Variants in CFAP77 observed in about 807,000 individuals in gnomAD.
The protein encoded by CFAP77 is cilia- and flagella-associated protein 77.
Under a neutral mutation model 31.1 loss-of-function variants are expected in CFAP77, and 25 were observed. That is an observed-to-expected ratio of 0.80 (90% CI 0.59 to 1.12). CFAP77 has a LOEUF of 1.12. CFAP77 is among the 50% of genes most tolerant of loss of function. CFAP77 has a pLI of 0.00. For missense variants in CFAP77, 377 were observed against 397.3 expected, an observed-to-expected ratio of 0.95 and a Z score of 0.44; for synonymous variants, 151 against 159.9, an observed-to-expected ratio of 0.94 and a Z score of 0.42.
chr9:132,464,128 T>C, intron 1 of CFAP77, among the ~76,000 whole-genome samples: 1 of 152,320 alleles, frequency 6.6e-6, no homozygotes, highest in East Asian at 1.9e-4. Flanking sequence ...TTCAGGTATT[T>C]CCCAGCAAAT....
intron 1 of CFAP77, among the ~76,000 whole-genome samples, chr9:132,449,982 A>G (rs1308158008): frequency 6.6e-6 from 1 of 152,044 alleles, no homozygotes; most frequent in Non-Finnish European, 1.5e-5. Context: ...GCACTATCTC[A>G]GCTTACTGCA....
intron 3 of CFAP77, among the ~76,000 whole-genome samples, chr9:132,514,198 C>T (rs566435400): frequency 2.0e-5 from 3 of 151,372 alleles, no homozygotes; most frequent in Admixed American, 6.6e-5. Context: ...TCATTGACCA[C>T]GAGTGAGAGT....
intron 3 of CFAP77, among the ~76,000 whole-genome samples, chr9:132,524,674 A>C (rs1248763554): frequency 6.6e-6 from 1 of 151,740 alleles, no homozygotes; most frequent in East Asian, 1.9e-4. Context: ...ATTGAGGCAG[A>C]GTCTCGCTCT....
chr9:132,412,929 C>T (rs963748357), intron 1 of CFAP77, among the ~76,000 whole-genome samples: 9 of 152,144 alleles, frequency 5.9e-5, no homozygotes, highest in East Asian at 1.9e-4. Flanking sequence ...TTCAGCTCCC[C>T]GTAGTAGTGT....
intron 1 of CFAP77, among the ~76,000 whole-genome samples, chr9:132,438,199 CAAAAAAAAA>C (rs954482789): frequency 6.3e-4 from 30 of 47,864 alleles, no homozygotes; most frequent in Admixed American, 3.2e-3. Context: ...GAGACGCCAT[CAAAAAAAAA>C]AAAAAAAAAA....
chr9:132,571,227 C>A (rs1261168438), intron 5 of CFAP77, among the ~76,000 whole-genome samples: 3 of 152,158 alleles, frequency 2.0e-5, no homozygotes, highest in Non-Finnish European at 4.4e-5. Flanking sequence ...GCTGCTCCTG[C>A]AAATCCAAAC....
At chr9:132,411,436 A>G (rs758616874) in intron 1 of CFAP77, among the ~76,000 whole-genome samples, 11 of 152,156 alleles carry the variant, frequency 7.2e-5, no homozygotes, top group Admixed American at 1.3e-4. Flanking sequence ...AACTGAGTTA[A>G]TTGGCTCCTG....
At chr9:132,543,753 A>G (rs1422768625) in intron 5 of CFAP77, among the ~76,000 whole-genome samples, 1 of 152,234 alleles carries the variant, frequency 6.6e-6, no homozygotes, top group Non-Finnish European at 1.5e-5. Context: ...ATAAGGACCC[A>G]GGGAACACGC....
Position 132,499,344 on chromosome 9 carries a change from T to G in CFAP77, c.296-28T>G, listed in dbSNP as rs201750892. Reference sequence around the variant, plus strand: ...GGGTGCTTACTCCCAGGCTGACCACTGCCCCGTGGGTCTCTCCCTGCCCTC... The same window carrying G: ...GGGTGCTTACTCCCAGGCTGACCACGGCCCCGTGGGTCTCTCCCTGCCCTC... On this transcript the variant is annotated intron_variant, in intron 2 of 5. Transcript: ENST00000393216. This position sits in a 1 kb window ranked among gnomAD's most constrained non-coding sequence, Gnocchi z 5.4. 5 of 1,606,716 alleles carry G rather than the reference T, an allele frequency of 3.1e-6. No individual in the cohort carries two copies. In the Admixed American group the frequency reaches 8.3e-5, roughly 27 times the overall value.
At chr9:132,461,552 G>A (rs1036094324) in intron 1 of CFAP77, among the ~76,000 whole-genome samples, 6 of 152,212 alleles carry the variant, frequency 3.9e-5, no homozygotes, top group Admixed American at 1.3e-4. Flanking sequence ...GCCCAGGGAA[G>A]CTATAAATCT....
At chr9:132,514,517 C>T (rs2119002418) in intron 3 of CFAP77, among the ~76,000 whole-genome samples, 1 of 152,294 alleles carries the variant, frequency 6.6e-6, no homozygotes, top group South Asian at 2.1e-4. Context: ...TCCCCCTGCC[C>T]AGTCGGTTTC....
intron 5 of CFAP77, among the ~76,000 whole-genome samples, chr9:132,559,979 A>G (rs1011564099): frequency 6.6e-6 from 1 of 152,226 alleles, no homozygotes; most frequent in Non-Finnish European, 1.5e-5. Context: ...AAAATAGGGA[A>G]AGCCACACCA....
At chr9:132,483,127 C>T (rs957643098) in intron 1 of CFAP77, among the ~76,000 whole-genome samples, 18 of 151,726 alleles carry the variant, frequency 1.2e-4, no homozygotes, top group Admixed American at 5.3e-4. Flanking sequence ...GGAAATTAGC[C>T]GGGCGTGGTG....
At position 132,430,025 on chromosome 9, in the gene CFAP77, C is replaced by G. The variant is rs115765145; in HGVS notation, c.195+19559C>G. On this transcript the variant is annotated intron_variant, in intron 1 of 5. Transcript: ENST00000393216. ...TCCACGACTGCTGCCCCAGAGCCCT[C>G]TTTTCTCTGGTACATGGGGTCTGCA... Among the ~76,000 whole-genome samples the G allele has an allele frequency of 2.8e-3, 428 of 152,168 alleles. 2 individuals are homozygous for G. Among genetic ancestry groups the G allele is most frequent in the Middle Eastern group, 0.017 (5 of 294 alleles).
chr9:132,502,431 A>G (rs983085519), intron 3 of CFAP77, among the ~76,000 whole-genome samples: 4 of 151,998 alleles, frequency 2.6e-5, no homozygotes, highest in African/African-American at 9.7e-5. Flanking sequence ...CGTCACCACC[A>G]TCCATCTCAA....
intron 1 of CFAP77, among the ~76,000 whole-genome samples, chr9:132,426,250 A>G (rs1850310208): frequency 6.6e-6 from 1 of 152,228 alleles, no homozygotes; most frequent in Non-Finnish European, 1.5e-5. Flanking sequence ...TTTCATACCA[A>G]TTTTGAGTTA....
chr9:132,486,968 A>T (rs1244992265), intron 1 of CFAP77, among the ~76,000 whole-genome samples: 1 of 152,196 alleles, frequency 6.6e-6, no homozygotes, highest in Non-Finnish European at 1.5e-5. Flanking sequence ...GGGAGCGGGG[A>T]CCAGGCAGGC....
Position 132,554,506 on chromosome 9 carries a change from T to C in CFAP77, c.732+11459T>C, listed in dbSNP as rs552328054. On this transcript the variant is annotated intron_variant, in intron 5 of 5. Transcript: ENST00000393216. The surrounding 1 kb of genome is among the most constrained non-coding windows in gnomAD (Gnocchi z 4.1). ...GCACACCACCATGCCCGGCTAATTT[T>C]TTTTATGTTTTGTAGAGATGGGGTT... Among the ~76,000 whole-genome samples, 5 of 152,176 alleles carry C rather than the reference T, an allele frequency of 3.3e-5. No individual in the cohort carries two copies. The South Asian group carries it at 1.0e-3, about 32-fold the overall frequency.
At chr9:132,488,211 A>G (rs1441464767) in intron 1 of CFAP77, among the ~76,000 whole-genome samples, 2 of 152,158 alleles carry the variant, frequency 1.3e-5, no homozygotes, top group African/African-American at 4.8e-5. Context: ...TTGAGGGGCT[A>G]GCTCGTGATG....
Sources: gnomAD v4.1 joint callset for allele counts (sites outside exome capture counted in the v4.1 genomes callset) on GRCh38, gnomAD v4.1.1 for gene constraint, Gnocchi (gnomAD v3.1) non-coding constraint, MANE v1.5 for transcripts, NCBI Gene and HGNC (gene_info 2026-07-23, HGNC 2026-07-21) for gene names.